ADAM15: variants seen among roughly 807,000 people sequenced by gnomAD.
ADAM15 encodes disintegrin and metalloproteinase domain-containing protein 15.
A neutral mutation model predicts 113.8 loss-of-function variants in ADAM15; 77 were observed. The ratio of observed to expected loss-of-function variants is 0.68; its 90% CI spans 0.56 to 0.82. The LOEUF (loss-of-function observed/expected upper bound fraction) is 0.82, where lower values mean the gene tolerates loss of function less well. Ranked by LOEUF, ADAM15 falls within the 40% of genes least tolerant of loss-of-function variation. ADAM15 has a pLI of 0.00. For missense variants in ADAM15, 963 were observed against 1,120.1 expected (o/e 0.86, Z 2.00); for synonymous variants, 388 against 454.1 (o/e 0.85, Z 1.85).
chr1:155,053,520 G>T, intron 3 of ADAM15, 27 bp downstream of exon 3: 1 of 1,611,568 alleles, frequency 6.2e-7, no homozygotes, highest in South Asian at 1.1e-5. Context: ...CAATAACAGT[G>T]ACCACATGGC....
chr1:155,062,403 G>T lies in ADAM15; in HGVS notation c.2549+34G>T. 1.2e-6 allele frequency: 2 copies of T among 1,610,616 alleles called. No homozygotes were observed. The highest frequency in any genetic ancestry group is 1.7e-6 in the Non-Finnish European group (2 of 1,178,966). On this transcript the variant is annotated intron_variant, in intron 22 of 22. Transcript: ENST00000356955. The surrounding 1 kb of genome is among the most constrained non-coding windows in gnomAD (Gnocchi z 7.0). Reference sequence around the variant, plus strand: ...AGCCCTGGGCATGGGTGGGCGGGGCGAGTGACCTGGGGGAAAGGGGCCTCT... The same window carrying T: ...AGCCCTGGGCATGGGTGGGCGGGGCTAGTGACCTGGGGGAAAGGGGCCTCT...
chr1:155,052,613 C>G (rs1482991985), intron 1 of ADAM15, 58 bp from the exon 2 acceptor site: 1 of 1,556,622 alleles, frequency 6.4e-7, no homozygotes, highest in Non-Finnish European at 8.7e-7. Flanking sequence ...GCACCTGTCA[C>G]CCCCAGCCCT....
rs1373402851 is a variant in ADAM15, at chr1:155,053,304, C to A, written c.187-113C>A. The A allele has an allele frequency of 5.2e-6, 5 of 957,272 alleles. No individual in the cohort carries two copies. The Admixed American group carries it at 8.7e-5, about 17-fold the overall frequency. 59.3% of individuals were successfully genotyped at this position (957,272 alleles called of 1,614,324 possible). A position where few individuals can be genotyped will look rare whatever the true frequency, so the allele number is the denominator to read the frequency against. ...TTCCTGGCCCCTCCCCTGGGATCCCCCCACCAGTGATCTAATTGCTGGTGC... is the reference window on the plus strand; with the variant it reads ...TTCCTGGCCCCTCCCCTGGGATCCCACCACCAGTGATCTAATTGCTGGTGC... On this transcript the variant is annotated intron_variant, in intron 2 of 22. Coordinates refer to ENST00000356955, the MANE Select transcript of ADAM15 (RefSeq NM_207197.3).
chr1:155,057,367 G>A lies in ADAM15; in HGVS notation c.1323+5G>A. The A allele has an allele frequency of 6.2e-7, 1 of 1,614,036 alleles. No individual in the cohort carries two copies. On this transcript the variant is annotated splice_donor_5th_base_variant and intron_variant, in intron 12 of 22. Coordinates refer to ENST00000356955, the MANE Select transcript of ADAM15 (RefSeq NM_207197.3). The surrounding 1 kb of genome is among the most constrained non-coding windows in gnomAD (Gnocchi z 5.0). ...TGTGACTGTGGCTTCCTGGATGTGA[G>A]CCCCTTTCCCAAAGCCTCGCCCCAC...
rs377171672 is a variant in ADAM15, at chr1:155,054,358, A to G, written c.464A>G (p.Gln155Arg). The change falls in exon 6 of 23, where the codon CAG (glutamine) becomes CGG (arginine). Residue 155 changes from glutamine (Q) to arginine (R), a missense_variant. Physicochemically the swap from Gln to Arg is conservative, Grantham distance 43. Coordinates refer to ENST00000356955, the MANE Select transcript of ADAM15 (RefSeq NM_207197.3). ...LTPERSYTLE[Q>R]GPGDLQGPPI... Reference sequence around the variant, plus strand: ...CCAGAGAGAAGCTATACCCTGGAGCAGGGGCCTGGGGACCTTCAGGGTCCT... The same window carrying G: ...CCAGAGAGAAGCTATACCCTGGAGCGGGGGCCTGGGGACCTTCAGGGTCCT... The G allele has an allele frequency of 9.6e-5, 154 of 1,612,084 alleles. No individual in the cohort carries two copies. Among genetic ancestry groups the G allele is most frequent in the East Asian group, 6.5e-4 (29 of 44,860 alleles).
Position 155,058,979 on chromosome 1 carries a change from C to A in ADAM15, c.1995+192C>A, listed in dbSNP as rs184798618. Reference sequence around the variant, plus strand: ...TATCAAATGGCTATAATAATAGTATCCCCATCCAGGGTACATGAGATGAGT... The same window carrying A: ...TATCAAATGGCTATAATAATAGTATACCCATCCAGGGTACATGAGATGAGT... On this transcript the variant is annotated intron_variant, in intron 16 of 22. Transcript: ENST00000356955. The surrounding 1 kb of genome is among the most constrained non-coding windows in gnomAD (Gnocchi z 4.3). Among the ~76,000 whole-genome samples the A allele has an allele frequency of 5.3e-5, 8 of 152,164 alleles. No homozygotes were observed. Among genetic ancestry groups the A allele is most frequent in the Non-Finnish European group, 1.0e-4 (7 of 68,028 alleles).
intron 6 of ADAM15, chr1:155,055,445 C>G: frequency 9.5e-6 from 3 of 316,364 alleles, no homozygotes; most frequent in South Asian, 2.9e-5. Flanking sequence ...CCAGGATGGT[C>G]TCGATCTCCT....
intron 1 of ADAM15, chr1:155,052,393 T>A: frequency 9.0e-7 from 1 of 1,108,502 alleles, no homozygotes; most frequent in Non-Finnish European, 1.3e-6. Context: ...TGTGAGAACC[T>A]GGGATTGGCC....
At chr1:155,061,564 G>A (rs1469018627) in intron 20 of ADAM15, 75 bp downstream of exon 20, 1 of 1,467,148 alleles carries the variant, frequency 6.8e-7, no homozygotes, top group Non-Finnish European at 9.4e-7. Flanking sequence ...TCTCATCCCT[G>A]CTCCCTGCCA....
intron 20 of ADAM15, 167 bp from the exon 21 acceptor site, chr1:155,061,737 C>T: frequency 3.5e-6 from 3 of 861,438 alleles, no homozygotes; most frequent in South Asian, 3.5e-5. Context: ...ACACCTTCCT[C>T]CCCTGAGACA....
rs765239800 is a variant in ADAM15 at position 155,059,950 on chromosome 1, C to A, written c.2044C>A (p.Pro682Thr). 6.2e-7 allele frequency: 1 copy of A among 1,613,940 alleles called. No homozygotes were observed. The highest frequency in any genetic ancestry group is 1.7e-5 in the Admixed American group (1 of 59,996). Residue 682 changes from proline (P) to threonine (T), a missense_variant, in exon 17 of 23, where the codon CCT becomes ACT. Coordinates refer to ENST00000356955, the MANE Select transcript of ADAM15 (RefSeq NM_207197.3). ...CTACTGTGAGGAGGGCTGGGCACCCCCTGACTGCACCACTCAGCTCAAAGG... is the reference window on the plus strand; with the variant it reads ...CTACTGTGAGGAGGGCTGGGCACCCACTGACTGCACCACTCAGCTCAAAGG... Reference protein sequence around the residue: ...HCYCEEGWAPPDCTTQLKATS... With the variant: ...HCYCEEGWAPTDCTTQLKATS...
Position 155,062,307 on chromosome 1 carries a change from G to C in ADAM15, c.2487G>C (p.Arg829=). 1 of 1,505,350 alleles carries C rather than the reference G, an allele frequency of 6.6e-7. No homozygotes were observed. Among genetic ancestry groups the C allele is most frequent in the Non-Finnish European group, 8.9e-7 (1 of 1,123,124 alleles). The allele number at this position is 1,505,350 out of a possible 1,614,324, so 93.2% of individuals were successfully genotyped here. ...RKPLPADPQG[R]CPSGDLPGPG... ...CACTGCCTGCCGACCCCCAGGGCCG[G>C]TGCCCATCGGGTGACCTGCCCGGCC... The change falls in exon 22 of 23, where the codon CGG becomes CGC. Residue 829 remains arginine, a synonymous_variant. Transcript: ENST00000356955. The surrounding 1 kb of genome is among the most constrained non-coding windows in gnomAD (Gnocchi z 7.0).
At position 155,061,983 on chromosome 1, in the gene ADAM15, TG is replaced by T; in HGVS notation, c.2424+14del. ...GTGGTGAGAAGCCCGAAGGTAACGG[TG>T]GGGGGAGAGAAGGGCACGGCCTCTC... On this transcript the variant is annotated intron_variant, in intron 21 of 22. Transcript: ENST00000356955. 4 of 1,574,262 alleles carry T rather than the reference TG, an allele frequency of 2.5e-6. No homozygotes were observed. Among genetic ancestry groups the T allele is most frequent in the Admixed American group, 1.8e-5 (1 of 55,400 alleles).
intron 16 of ADAM15, 118 bp from the exon 17 acceptor site, chr1:155,059,784 C>A: frequency 1.8e-6 from 2 of 1,102,850 alleles, no homozygotes; most frequent in Non-Finnish European, 2.7e-6. Context: ...TCCGGGCTGT[C>A]TCTACACACA....
chr1:155,060,892 C>T, intron 19 of ADAM15, 60 bp downstream of exon 19: 1 of 1,501,548 alleles, frequency 6.7e-7, no homozygotes, highest in South Asian at 1.1e-5. Flanking sequence ...AGCTTGGGCC[C>T]TGGGGGGTGC....
chr1:155,059,734 G>A (rs1278883245), intron 16 of ADAM15, among the ~76,000 whole-genome samples, 168 bp from the exon 17 acceptor site: 1 of 152,218 alleles, frequency 6.6e-6, no homozygotes, highest in Non-Finnish European at 1.5e-5. Flanking sequence ...GTAAGTGTTA[G>A]TTTGATCTAA....
chr1:155,061,744 G>T, intron 20 of ADAM15, 160 bp from the exon 21 acceptor site: 1 of 893,722 alleles, frequency 1.1e-6, no homozygotes, highest in South Asian at 1.7e-5. Flanking sequence ...CCTCCCCTGA[G>T]ACATCAGCTG....
Position 155,057,215 on chromosome 1 carries a change from C to G in ADAM15, c.1176C>G (p.Asn392Lys). 22 of 1,613,916 alleles carry G rather than the reference C, an allele frequency of 1.4e-5. No individual in the cohort carries two copies. The highest frequency in any genetic ancestry group is 1.9e-5 in the Non-Finnish European group (22 of 1,179,822). ...TDFLPGLNFS[N>K]CSRRALEKAL... ...TCCTACCAGGCCTGAACTTCAGCAACTGCAGCCGACGGGCCCTGGAGAAAG... is the reference window on the plus strand; with the variant it reads ...TCCTACCAGGCCTGAACTTCAGCAAGTGCAGCCGACGGGCCCTGGAGAAAG... Residue 392 changes from asparagine to lysine, a missense_variant, in exon 12 of 23, where the codon AAC (asparagine) becomes AAG (lysine). Physicochemically the swap from Asn to Lys is moderately conservative, Grantham distance 94 (BLOSUM62 0). Coordinates refer to ENST00000356955, the MANE Select transcript of ADAM15 (RefSeq NM_207197.3). This position sits in a 1 kb window ranked among gnomAD's most constrained non-coding sequence, Gnocchi z 5.0.
At chr1:155,052,493 TAGAG>T (rs1283972230) in intron 1 of ADAM15, 174 bp from the exon 2 acceptor site, 5 of 1,536,904 alleles carry the variant, frequency 3.3e-6, no homozygotes, top group Non-Finnish European at 3.5e-6. Flanking sequence ...AGCCATAAAT[TAGAG>T]AGACACCCTC....
Sources: allele counts gnomAD v4.1 joint callset (sites outside exome capture counted in the v4.1 genomes callset), GRCh38; gene constraint gnomAD v4.1.1; non-coding constraint Gnocchi (gnomAD v3.1); transcripts MANE v1.5; gene names NCBI Gene and HGNC (gene_info 2026-07-23, HGNC 2026-07-21).